KCNIP4: variants seen among roughly 807,000 people sequenced by gnomAD.
The protein encoded by KCNIP4 is potassium voltage-gated channel interacting protein 4.
A neutral mutation model predicts 34.0 loss-of-function variants in KCNIP4; 12 were observed. The observed-to-expected ratio is 0.35, with a 90% CI of 0.23 to 0.57. The LOEUF (loss-of-function observed/expected upper bound fraction) is 0.57, where lower values mean the gene tolerates loss of function less well. KCNIP4 is among the 20% of genes least tolerant of loss of function. KCNIP4 has a pLI of 0.83. For missense variants in KCNIP4, 238 were observed against 311.7 expected (o/e 0.76, Z 1.78); for synonymous variants, 124 against 102.2 (o/e 1.21, Z -1.29).
intron 1 of KCNIP4, among the ~76,000 whole-genome samples, chr4:21,111,040 T>G (rs1179179927): frequency 1.3e-5 from 2 of 152,240 alleles, no homozygotes; most frequent in Admixed American, 1.3e-4. Flanking sequence ...AGAATTTTAA[T>G]GAGTACAATT....
At chr4:21,860,809 C>T (rs1725031401) in intron 1 of KCNIP4, among the ~76,000 whole-genome samples, 1 of 152,162 alleles carries the variant, frequency 6.6e-6, no homozygotes, top group African/African-American at 2.4e-5. Flanking sequence ...ACTATGGCTC[C>T]AATAATGTGC....
intron 1 of KCNIP4, among the ~76,000 whole-genome samples, chr4:21,639,475 T>G (rs1746456379): frequency 6.6e-6 from 1 of 152,218 alleles, no homozygotes; most frequent in Admixed American, 6.5e-5. Flanking sequence ...TATTTCTCCA[T>G]CAAATGTCTT....
intron 1 of KCNIP4, among the ~76,000 whole-genome samples, chr4:21,765,278 C>T (rs555368322): frequency 2.3e-4 from 35 of 151,800 alleles, no homozygotes; most frequent in Non-Finnish European, 4.9e-4. Context: ...ATCTCAGCAT[C>T]CCAAGTATCT....
intron 1 of KCNIP4, among the ~76,000 whole-genome samples, chr4:21,651,273 T>C (rs981772504): frequency 2.0e-5 from 3 of 152,134 alleles, no homozygotes; most frequent in Non-Finnish European, 4.4e-5. Context: ...GGGAGTATCA[T>C]AAAGCCAAGG....
At chr4:20,730,185 A>ACTATT (rs1747649055) in intron 8 of KCNIP4, 56 bp from the exon 9 acceptor site, 1 of 1,551,236 alleles carries the variant, frequency 6.4e-7, no homozygotes, top group Admixed American at 2.0e-5. Flanking sequence ...GGAAAAGTAC[A>ACTATT]CTATTTTGCC....
chr4:21,890,623 C>T (rs1315515543), intron 1 of KCNIP4, among the ~76,000 whole-genome samples: 1 of 152,102 alleles, frequency 6.6e-6, no homozygotes, highest in Non-Finnish European at 1.5e-5. Context: ...AGTCCCTGAA[C>T]TTTGTATCCA....
At chr4:20,748,015 A>T (rs532276625) in intron 5 of KCNIP4, among the ~76,000 whole-genome samples, 1 of 152,248 alleles carries the variant, frequency 6.6e-6, no homozygotes, top group East Asian at 1.9e-4. Context: ...CAATACCTTT[A>T]CTGGAGTTCA....
chr4:21,112,053 C>CTATCTATCTATCTATCTATA (rs1560732943), intron 1 of KCNIP4, among the ~76,000 whole-genome samples: 4 of 152,024 alleles, frequency 2.6e-5, no homozygotes, highest in African/African-American at 7.2e-5. Context: ...ATCTATCTAT[C>CTATCTATCTATCTATCTATA]TATCTATCTA....
At chr4:21,147,020 T>C (rs1442329345) in intron 1 of KCNIP4, among the ~76,000 whole-genome samples, 1 of 152,150 alleles carries the variant, frequency 6.6e-6, no homozygotes, top group African/African-American at 2.4e-5. Flanking sequence ...ACATATACTG[T>C]ATACTTCTAC....
intron 1 of KCNIP4, among the ~76,000 whole-genome samples, chr4:21,470,718 A>G (rs1730387753): frequency 6.6e-6 from 1 of 152,284 alleles, no homozygotes; most frequent in Admixed American, 6.5e-5. Flanking sequence ...TTACAACCCC[A>G]AAGAGCTTGT....
intron 1 of KCNIP4, among the ~76,000 whole-genome samples, chr4:21,472,177 C>G (rs891328354): frequency 6.6e-6 from 1 of 152,090 alleles, no homozygotes; most frequent in African/African-American, 2.4e-5. Flanking sequence ...TCCTAGGGAT[C>G]TATAACAAAT....
At chr4:21,657,669 G>T (rs1748076842) in intron 1 of KCNIP4, among the ~76,000 whole-genome samples, 1 of 152,146 alleles carries the variant, frequency 6.6e-6, no homozygotes, top group African/African-American at 2.4e-5. Flanking sequence ...GAGAATAACA[G>T]GACTCTGAAT....
chr4:21,029,689 C>G (rs1487383166), intron 1 of KCNIP4, among the ~76,000 whole-genome samples: 1 of 152,204 alleles, frequency 6.6e-6, no homozygotes, highest in Non-Finnish European at 1.5e-5. Context: ...CACTACTTGA[C>G]TCTTTAAAAG....
intron 1 of KCNIP4, among the ~76,000 whole-genome samples, chr4:21,168,957 T>G (rs1753817702): frequency 6.6e-6 from 1 of 152,166 alleles, no homozygotes; most frequent in African/African-American, 2.4e-5. Flanking sequence ...GTCTTTGATC[T>G]ATGACGGCTA....
intron 1 of KCNIP4, among the ~76,000 whole-genome samples, chr4:21,859,466 T>G (rs1275524148): frequency 6.7e-6 from 1 of 148,308 alleles, no homozygotes; most frequent in Admixed American, 6.7e-5. Context: ...AAAAAAAAAA[T>G]TAGCCGGAAA....
At chr4:20,837,290 G>A (rs573286730) in intron 3 of KCNIP4, among the ~76,000 whole-genome samples, 25 of 152,096 alleles carry the variant, frequency 1.6e-4, no homozygotes, top group African/African-American at 6.0e-4. Flanking sequence ...GATTTAAGAG[G>A]ACTTAGAGTC....
rs1334111407 is a variant in KCNIP4 at position 21,291,865 on chromosome 4, AAAAAAGAAAGAAAGAAAGAAAG to A, written c.62-409178_62-409157del. ...TTAGACTCCGCCTCAAAAAAAAAAA[AAAAAAGAAAGAAAGAAAGAAAG>A]AAAGAAAGAAAGAAAGAAAGAAAGA... is the stretch of plus-strand genomic sequence containing the variant. On this transcript the variant is annotated intron_variant, in intron 1 of 8. Coordinates refer to ENST00000382152, the MANE Select transcript of KCNIP4 (RefSeq NM_025221.6). 1.2e-4 allele frequency among the ~76,000 whole-genome samples: 8 copies of A among 64,620 alleles called. 1 individual carries two copies. Among genetic ancestry groups the A allele is most frequent in the African/African-American group, 4.1e-4 (6 of 14,568 alleles). 42.4% of individuals were successfully genotyped at this position (64,620 alleles called of 152,430 possible).
intron 1 of KCNIP4, among the ~76,000 whole-genome samples, chr4:21,784,506 T>A (rs1247200687): frequency 6.6e-6 from 1 of 152,140 alleles, no homozygotes; most frequent in Admixed American, 6.5e-5. Context: ...GTCTTTGAAC[T>A]CATATTCTAA....
At chr4:21,148,599 G>A (rs1446380913) in intron 1 of KCNIP4, among the ~76,000 whole-genome samples, 1 of 151,618 alleles carries the variant, frequency 6.6e-6, no homozygotes, top group African/African-American at 2.4e-5. Flanking sequence ...CTGTCAAGAT[G>A]CATTATTCAT....
Sources: gnomAD v4.1 joint callset for allele counts (sites outside exome capture counted in the v4.1 genomes callset) on GRCh38, gnomAD v4.1.1 for gene constraint, MANE v1.5 for transcripts, NCBI Gene and HGNC (gene_info 2026-07-23, HGNC 2026-07-21) for gene names.